NAALADL2: variants seen among roughly 807,000 people sequenced by gnomAD.
NAALADL2 encodes N-acetylated alpha-linked acidic dipeptidase like 2, also known as inactive N-acetylated-alpha-linked acidic dipeptidase-like protein 2.
NAALADL2 carries 76 observed loss-of-function variants against 87.2 expected under a neutral mutation model. That is an observed-to-expected ratio of 0.87 (90% CI 0.72 to 1.05). The LOEUF is 1.05. Ranked by LOEUF, NAALADL2 falls within the 50% of genes least tolerant of loss-of-function variation. The pLI is 0.00. For synonymous variants in NAALADL2, 354 were observed against 331.0 expected, an observed-to-expected ratio of 1.07 and a Z score of -0.75; for missense variants, 1,089 against 945.8, an observed-to-expected ratio of 1.15 and a Z score of -1.99.
chr3:174,564,588 A>G (rs1714012953), intron 2 of NAALADL2, among the ~76,000 whole-genome samples: 1 of 152,124 alleles, frequency 6.6e-6, no homozygotes, highest in Admixed American at 6.5e-5. Context: ...TAGTATTTCA[A>G]AGTGGTGTGT....
chr3:174,528,274 A>G (rs538704153), intron 1 of NAALADL2, among the ~76,000 whole-genome samples: 76 of 152,308 alleles, frequency 5.0e-4, no homozygotes, highest in African/African-American at 1.7e-3. Flanking sequence ...CATTTAGATT[A>G]TAAACTTTCA....
chr3:174,870,418 C>T (rs1387829986), intron 1 of NAALADL2, among the ~76,000 whole-genome samples: 4 of 151,926 alleles, frequency 2.6e-5, no homozygotes, highest in Non-Finnish European at 5.9e-5. Context: ...TGTGGTATAC[C>T]TATGAGACTG....
intron 4 of NAALADL2, among the ~76,000 whole-genome samples, chr3:175,310,801 A>C (rs1758264686): frequency 6.6e-6 from 1 of 152,104 alleles, no homozygotes; most frequent in Admixed American, 6.6e-5. Context: ...AGCACTAAAA[A>C]TAAATAGTAA....
intron 2 of NAALADL2, among the ~76,000 whole-genome samples, chr3:174,710,907 GATCTAC>G (rs1368536530): frequency 6.6e-6 from 1 of 152,102 alleles, no homozygotes; most frequent in Non-Finnish European, 1.5e-5. Flanking sequence ...CTGAATTTTT[GATCTAC>G]AGAACTGTGA....
At chr3:174,927,672 C>G (rs777357528) in intron 1 of NAALADL2, among the ~76,000 whole-genome samples, 1 of 152,106 alleles carries the variant, frequency 6.6e-6, no homozygotes, top group Non-Finnish European at 1.5e-5. Flanking sequence ...AGAACAAAGA[C>G]ACAACATACG....
chr3:175,003,894 A>T (rs1468012146), intron 1 of NAALADL2, among the ~76,000 whole-genome samples: 1 of 152,218 alleles, frequency 6.6e-6, no homozygotes, highest in Non-Finnish European at 1.5e-5. Flanking sequence ...CTGTCAGCTT[A>T]TAAAGTTCAA....
At chr3:175,105,452 A>G (rs998109422) in intron 2 of NAALADL2, among the ~76,000 whole-genome samples, 2 of 150,510 alleles carry the variant, frequency 1.3e-5, no homozygotes, top group African/African-American at 4.9e-5. Flanking sequence ...TTAATCATAC[A>G]TATATATGAT....
intron 11 of NAALADL2, among the ~76,000 whole-genome samples, chr3:175,641,700 A>G (rs1729308538): frequency 6.6e-6 from 1 of 152,218 alleles, no homozygotes; most frequent in Non-Finnish European, 1.5e-5. Flanking sequence ...ATATGCACGT[A>G]CATTCTGATT....
chr3:175,544,613 T>C (rs1032736080), intron 9 of NAALADL2, among the ~76,000 whole-genome samples: 12 of 152,234 alleles, frequency 7.9e-5, no homozygotes, highest in African/African-American at 2.9e-4. Flanking sequence ...TTTGTCACTA[T>C]TCTGTACATT....
intron 1 of NAALADL2, among the ~76,000 whole-genome samples, chr3:174,482,010 G>A (rs1717583798): frequency 6.6e-6 from 1 of 151,976 alleles, no homozygotes; most frequent in Admixed American, 6.6e-5. Context: ...GGGAATGGGG[G>A]AACCCTTCCA....
chr3:174,938,940 G>A (rs1324496173), intron 1 of NAALADL2, among the ~76,000 whole-genome samples: 2 of 151,984 alleles, frequency 1.3e-5, no homozygotes, highest in Non-Finnish European at 2.9e-5. Context: ...CAGGTGCAGA[G>A]TAAGCAGATA....
chr3:175,656,260 A>G (rs918376825), intron 11 of NAALADL2, among the ~76,000 whole-genome samples: 1 of 152,248 alleles, frequency 6.6e-6, no homozygotes, highest in Non-Finnish European at 1.5e-5. Context: ...GTTGAAACTC[A>G]GAGACGTTTG....
chr3:175,803,232 T>G lies in NAALADL2; in HGVS notation c.*29T>G, dbSNP rs1303687116. On this transcript the variant is annotated 3_prime_UTR_variant, in exon 14 of 14. Coordinates refer to ENST00000454872, the MANE Select transcript of NAALADL2 (RefSeq NM_207015.3). The stretch of plus-strand genomic sequence containing the variant: ...AACTCTGAGCATTTTTAAAAGTTTG[T>G]TTACAATTCCACAAGCAAAAGCTCT... 1 of 1,521,324 alleles carries G rather than the reference T, an allele frequency of 6.6e-7. No individual in the cohort carries two copies. The highest frequency in any genetic ancestry group is 8.9e-7 in the Non-Finnish European group (1 of 1,122,150). The allele number at this position is 1,521,324 out of a possible 1,614,324, so 94.2% of individuals were successfully genotyped here.
chr3:174,808,926 C>T (rs1165210578), intron 3 of NAALADL2, among the ~76,000 whole-genome samples: 3 of 151,880 alleles, frequency 2.0e-5, no homozygotes, highest in Non-Finnish European at 2.9e-5. Flanking sequence ...TTGAAATCTT[C>T]AGCTTGAGTG....
chr3:174,491,587 A>T (rs1457900669), intron 1 of NAALADL2, among the ~76,000 whole-genome samples: 1 of 152,196 alleles, frequency 6.6e-6, no homozygotes, highest in Non-Finnish European at 1.5e-5. Flanking sequence ...TTTCCTCAAG[A>T]ATTAGTCTCA....
Position 174,787,604 on chromosome 3 carries a change from T to TATATATATACACAC in NAALADL2, c.-9+49867_-9+49868insCACACATATATATA, listed in dbSNP as rs1553855447. Among the ~76,000 whole-genome samples, 332 of 87,914 alleles carry TATATATATACACAC rather than the reference T, an allele frequency of 3.8e-3. 11 individuals carry two copies. Among genetic ancestry groups the TATATATATACACAC allele is most frequent in the Non-Finnish European group, 6.2e-3 (253 of 40,862 alleles). The allele number at this position is 87,914 out of a possible 152,430, so 57.7% of individuals were successfully genotyped here. A position where few individuals can be genotyped will look rare whatever the true frequency, so the allele number is the denominator to read the frequency against. On this transcript the variant is annotated intron_variant, in intron 3 of 3. Coordinates refer to the NAALADL2 transcript ENST00000434257. Reference sequence around the variant, plus strand: ...ATATATATATATATATATATATATATATATATATATATATATAGTAGTGAC... The same window carrying TATATATATACACAC: ...ATATATATATATATATATATATATATATATATATACACACATATATATATATATATAGTAGTGAC...
intron 1 of NAALADL2, among the ~76,000 whole-genome samples, chr3:174,501,102 G>A (rs1185528707): frequency 2.3e-5 from 3 of 130,960 alleles, no homozygotes; most frequent in African/African-American, 1.0e-4. Flanking sequence ...TTTTTGAGAC[G>A]GAGTCTCGCT....
chr3:174,866,913 A>T (rs559869359), intron 1 of NAALADL2, among the ~76,000 whole-genome samples: 207 of 151,950 alleles, frequency 1.4e-3, no homozygotes, highest in Non-Finnish European at 2.3e-3. Flanking sequence ...AATTAGACCT[A>T]TAAAAATTTC....
chr3:174,540,007 A>T (rs1325450913), intron 1 of NAALADL2, among the ~76,000 whole-genome samples: 8 of 133,956 alleles, frequency 6.0e-5, no homozygotes, highest in African/African-American at 1.7e-4. Flanking sequence ...AAAAAAAAAA[A>T]GCTGCCTGAT....
Sources: allele counts gnomAD v4.1 joint callset (sites outside exome capture counted in the v4.1 genomes callset), GRCh38; gene constraint gnomAD v4.1.1; transcripts MANE v1.5; gene names NCBI Gene and HGNC (gene_info 2026-07-23, HGNC 2026-07-21).